The following CNTN5 variants were observed in gnomAD, a reference collection of about 807,000 sequenced individuals.
The protein encoded by CNTN5 is contactin-5.
A neutral mutation model predicts 129.1 loss-of-function variants in CNTN5; 77 were observed. The ratio of observed to expected loss-of-function variants is 0.60; its 90% CI spans 0.50 to 0.72. The LOEUF (loss-of-function observed/expected upper bound fraction) is 0.72, where lower values mean the gene tolerates loss of function less well. CNTN5 is among the 30% of genes least tolerant of loss of function. The pLI, the probability that CNTN5 is intolerant of heterozygous loss-of-function variation, is 0.00. For synonymous variants in CNTN5, 509 were observed against 465.6 expected (o/e 1.09, Z -1.20); for missense variants, 1,478 against 1,328.8 (o/e 1.11, Z -1.75).
Position 100,094,774 on chromosome 11 carries a change from AAGG to A in CNTN5, c.1580+20482_1580+20484del, listed in dbSNP as rs1944935831. Among the ~76,000 whole-genome samples, 11 of 116,094 alleles carry A rather than the reference AAGG, an allele frequency of 9.5e-5. No homozygotes were observed. In the South Asian group the frequency reaches 1.0e-3, roughly 11 times the overall value. The allele number at this position is 116,094 out of a possible 152,430, so 76.2% of individuals were successfully genotyped here. ...GAGGGAGGGAGGGAGGAAAGGAAGG[AAGG>A]AAGGAAGGAAGGAAGGAAGGAAGGA... On this transcript the variant is annotated intron_variant, in intron 13 of 24. Coordinates refer to ENST00000524871, the MANE Select transcript of CNTN5 (RefSeq NM_014361.4).
chr11:99,114,026 G>A (rs991192929), intron 1 of CNTN5, among the ~76,000 whole-genome samples: 1 of 152,018 alleles, frequency 6.6e-6, no homozygotes, highest in Non-Finnish European at 1.5e-5. Context: ...TATTTTTAAT[G>A]TTTATGTTAG....
chr11:99,502,194 G>A (rs574604944), intron 2 of CNTN5, among the ~76,000 whole-genome samples: 1 of 152,298 alleles, frequency 6.6e-6, no homozygotes, highest in East Asian at 1.9e-4. Context: ...AGTCTGTATT[G>A]TAGAGGGTGA....
At chr11:100,284,619 T>C (rs996228840) in intron 18 of CNTN5, among the ~76,000 whole-genome samples, 3 of 152,234 alleles carry the variant, frequency 2.0e-5, no homozygotes, top group Non-Finnish European at 4.4e-5. Context: ...TTTTGTCATT[T>C]AATTGAATTT....
At chr11:99,747,855 A>G (rs1206194378) in intron 3 of CNTN5, among the ~76,000 whole-genome samples, 5 of 152,194 alleles carry the variant, frequency 3.3e-5, no homozygotes, top group Non-Finnish European at 7.3e-5. Flanking sequence ...GGCTGGTCAT[A>G]TATGGCTTTA....
chr11:99,424,586 C>T (rs1177784270), intron 2 of CNTN5, among the ~76,000 whole-genome samples: 3 of 152,216 alleles, frequency 2.0e-5, no homozygotes, highest in East Asian at 1.9e-4. Flanking sequence ...CTGGGCCAGA[C>T]GTAATGTAAG....
chr11:100,010,420 C>T (rs1462040466), intron 9 of CNTN5, among the ~76,000 whole-genome samples: 1 of 152,038 alleles, frequency 6.6e-6, no homozygotes, highest in Non-Finnish European at 1.5e-5. Context: ...CACAATGAAG[C>T]CTCTCCTGAA....
At chr11:100,036,734 T>C (rs1410848476) in intron 9 of CNTN5, among the ~76,000 whole-genome samples, 1 of 149,760 alleles carries the variant, frequency 6.7e-6, no homozygotes, top group Non-Finnish European at 1.5e-5. Context: ...GAAGCAATTG[T>C]GAATGGGAGT....
intron 1 of CNTN5, among the ~76,000 whole-genome samples, chr11:99,039,498 T>C (rs1565268636): frequency 2.6e-5 from 4 of 152,062 alleles, no homozygotes; most frequent in South Asian, 4.1e-4. Flanking sequence ...TTTGCCTCAA[T>C]AGAAAACACT....
At chr11:99,482,547 ATG>A (rs1411693141) in intron 2 of CNTN5, among the ~76,000 whole-genome samples, 2 of 152,148 alleles carry the variant, frequency 1.3e-5, no homozygotes, top group Non-Finnish European at 2.9e-5. Flanking sequence ...CAAATGTGAA[ATG>A]TGACTTTTCA....
chr11:99,929,241 C>G (rs1424277146), intron 7 of CNTN5, among the ~76,000 whole-genome samples: 3 of 152,322 alleles, frequency 2.0e-5, no homozygotes, highest in Admixed American at 6.5e-5. Flanking sequence ...AGGTTCCAAA[C>G]TTTCCCCCAT....
intron 1 of CNTN5, among the ~76,000 whole-genome samples, chr11:99,200,253 G>C (rs1223835973): frequency 6.6e-6 from 1 of 152,090 alleles, no homozygotes; most frequent in Non-Finnish European, 1.5e-5. Flanking sequence ...AAATGGATTG[G>C]ATTTTCTATG....
At chr11:100,183,299 T>A (rs568217305) in intron 13 of CNTN5, among the ~76,000 whole-genome samples, 4 of 152,146 alleles carry the variant, frequency 2.6e-5, no homozygotes, top group African/African-American at 9.7e-5. Context: ...TGTGCACAAA[T>A]GTTCATGGTA....
At position 99,114,847 on chromosome 11, in the gene CNTN5, C is replaced by T. The variant is rs532203922; in HGVS notation, c.-210+93577C>T. Reference sequence around the variant, plus strand: ...AGTATCAAACAATCCGTGTTATAGACTAAACATTTGTATCTCCCTGAAACG... The same window carrying T: ...AGTATCAAACAATCCGTGTTATAGATTAAACATTTGTATCTCCCTGAAACG... On this transcript the variant is annotated intron_variant, in intron 1 of 24. Transcript: ENST00000524871. 2.6e-4 allele frequency among the ~76,000 whole-genome samples: 40 copies of T among 152,212 alleles called. No individual in the cohort carries two copies. The South Asian group carries it at 5.2e-3, about 20-fold the overall frequency.
intron 6 of CNTN5, among the ~76,000 whole-genome samples, chr11:99,894,515 C>CAAAAAAAA (rs202067813): frequency 1.4e-4 from 15 of 107,458 alleles, no homozygotes; most frequent in East Asian, 1.1e-3. Flanking sequence ...GTACCAGCAG[C>CAAAAAAAA]AAAAAAAAAA....
At chr11:99,372,501 C>T (rs1486927876) in intron 2 of CNTN5, among the ~76,000 whole-genome samples, 3 of 152,194 alleles carry the variant, frequency 2.0e-5, no homozygotes, top group Non-Finnish European at 2.9e-5. Flanking sequence ...TGCCATGTAC[C>T]TGGCACAACG....
intron 3 of CNTN5, among the ~76,000 whole-genome samples, chr11:99,763,998 T>C (rs1254646076): frequency 6.6e-6 from 1 of 152,108 alleles, no homozygotes; most frequent in African/African-American, 2.4e-5. Flanking sequence ...ACCATGATAT[T>C]TATATTATTT....
intron 8 of CNTN5, among the ~76,000 whole-genome samples, chr11:99,989,318 T>C (rs1314489031): frequency 6.6e-6 from 1 of 152,198 alleles, no homozygotes; most frequent in Non-Finnish European, 1.5e-5. Flanking sequence ...TCTTCCATCA[T>C]TACTGGGCCC....
At chr11:100,077,919 C>T (rs376238876) in intron 13 of CNTN5, among the ~76,000 whole-genome samples, 22 of 151,958 alleles carry the variant, frequency 1.4e-4, no homozygotes, top group Non-Finnish European at 2.4e-4. Flanking sequence ...AAATTATGTC[C>T]AGAGCAATGG....
At chr11:99,537,165 G>T (rs1296409069) in intron 2 of CNTN5, among the ~76,000 whole-genome samples, 1 of 152,130 alleles carries the variant, frequency 6.6e-6, no homozygotes, top group African/African-American at 2.4e-5. Flanking sequence ...AACCTGGATG[G>T]TCTAACCACA....
Sources: allele counts gnomAD v4.1 joint callset (sites outside exome capture counted in the v4.1 genomes callset), GRCh38; gene constraint gnomAD v4.1.1; transcripts MANE v1.5; gene names NCBI Gene and HGNC (gene_info 2026-07-23, HGNC 2026-07-21).